PARD3B: variants seen among roughly 807,000 people sequenced by gnomAD.
The protein encoded by PARD3B is partitioning defective 3 homolog B.
In PARD3B, 103 loss-of-function variants were observed where a neutral mutation model predicts 130.2. That is an observed-to-expected ratio of 0.79 (90% CI 0.67 to 0.93). The LOEUF (loss-of-function observed/expected upper bound fraction) is 0.93. Among genes scored for constraint, PARD3B ranks in the 40% least tolerant of loss-of-function variants. PARD3B has a pLI of 0.00. For missense variants in PARD3B, 1,609 were observed against 1,499.2 expected (o/e 1.07, Z -1.21); for synonymous variants, 583 against 553.2 (o/e 1.05, Z -0.76).
intron 1 of PARD3B, among the ~76,000 whole-genome samples, chr2:204,661,898 G>A (rs2035823888): frequency 6.6e-6 from 1 of 152,084 alleles, no homozygotes; most frequent in Non-Finnish European, 1.5e-5. Context: ...GGTTTATGTA[G>A]AAACTGGGCC....
At chr2:204,932,294 C>G (rs1236220791) in intron 2 of PARD3B, among the ~76,000 whole-genome samples, 3 of 152,080 alleles carry the variant, frequency 2.0e-5, no homozygotes, top group Non-Finnish European at 4.4e-5. Flanking sequence ...TTAGTATTCT[C>G]TACTTCTGAT....
intron 3 of PARD3B, among the ~76,000 whole-genome samples, chr2:204,995,240 AGC>A (rs1350194916): frequency 6.6e-6 from 1 of 152,090 alleles, no homozygotes; most frequent in Non-Finnish European, 1.5e-5. Context: ...TTCCATGTTT[AGC>A]GCTTCCTTCA....
At chr2:204,897,282 T>G (rs1353538479) in intron 2 of PARD3B, among the ~76,000 whole-genome samples, 1 of 152,038 alleles carries the variant, frequency 6.6e-6, no homozygotes, top group African/African-American at 2.4e-5. Flanking sequence ...TTGCCCTGAA[T>G]CAATGTTTTA....
At chr2:205,317,214 C>T (rs553895326) in intron 18 of PARD3B, among the ~76,000 whole-genome samples, 90 of 152,262 alleles carry the variant, frequency 5.9e-4, no homozygotes, top group African/African-American at 2.2e-3. Flanking sequence ...AACCTTAATT[C>T]TGTAACTGCC....
intron 22 of PARD3B, among the ~76,000 whole-genome samples, chr2:205,559,971 C>T (rs1006762738): frequency 6.6e-6 from 1 of 152,132 alleles, no homozygotes; most frequent in African/African-American, 2.4e-5. Context: ...CTTTGCATCT[C>T]CTGACTGACA....
chr2:205,607,143 A>G (rs1237166217), intron 22 of PARD3B, among the ~76,000 whole-genome samples: 1 of 152,166 alleles, frequency 6.6e-6, no homozygotes, highest in Non-Finnish European at 1.5e-5. Flanking sequence ...AGGTCTCTGA[A>G]TGAAACTTCC....
rs1328788123 is a variant in PARD3B at position 205,271,740 on chromosome 2, T to G, written c.2185+25918T>G. 9.8e-5 allele frequency among the ~76,000 whole-genome samples: 15 copies of G among 152,350 alleles called. No individual in the cohort carries two copies. In the East Asian group the frequency reaches 2.9e-3, roughly 29 times the overall value. On this transcript the variant is annotated intron_variant, in intron 16 of 22. Transcript: ENST00000406610. ...TGGGAATCCAGGTTGGAAACCACTA[T>G]CCTCAACTTTCCACTGATGCTCCCA...
In PARD3B at chr2:205,021,954, A is replaced by G. The variant is rs1696644563; in HGVS notation, c.395-25627A>G. On this transcript the variant is annotated intron_variant, in intron 3 of 22. Coordinates refer to ENST00000406610, the MANE Select transcript of PARD3B (RefSeq NM_001302769.2). The surrounding 1 kb of genome is among the most constrained non-coding windows in gnomAD (Gnocchi z 4.5). ...GGAAAAGAAAATCCAAATACTCCAA[A>G]AAATCCAATGCAAAAACTCCAAAAT... Among the ~76,000 whole-genome samples the G allele has an allele frequency of 6.6e-6, 1 of 152,144 alleles. No individual in the cohort carries two copies. The highest frequency in any genetic ancestry group is 1.5e-5 in the Non-Finnish European group (1 of 68,022).
rs1465771307 is a variant in PARD3B, at chr2:205,575,105, ACACACACACG to A, written c.3260+21704_3260+21713del. On this transcript the variant is annotated intron_variant, in intron 22 of 22. Transcript: ENST00000406610. This position sits in a 1 kb window ranked among gnomAD's most constrained non-coding sequence, Gnocchi z 4.6. ...AATAGACACACACACACACACACAC[ACACACACACG>A]CGTACACTATATATAAAAATATATT... 7.3e-6 allele frequency among the ~76,000 whole-genome samples: 1 copy of A among 137,640 alleles called. No individual in the cohort carries two copies. The highest frequency in any genetic ancestry group is 2.2e-4 in the East Asian group (1 of 4,554). 90.3% of individuals were successfully genotyped at this position (137,640 alleles called of 152,430 possible). A position where few individuals can be genotyped will look rare whatever the true frequency, so the allele number is the denominator to read the frequency against.
rs1696607551 is a variant in PARD3B at position 205,021,611 on chromosome 2, T to TCTCTCTCTCC, written c.395-25961_395-25952dup. On this transcript the variant is annotated intron_variant, in intron 3 of 22. Transcript: ENST00000406610. This position sits in a 1 kb window ranked among gnomAD's most constrained non-coding sequence, Gnocchi z 4.5. ...CTCTTCTCTTCTCTCTCTCTCTCTCTCTCTCTCTCCCTCTCTCTTTCTCTC... is the reference window on the plus strand; with the variant it reads ...CTCTTCTCTTCTCTCTCTCTCTCTCTCTCTCTCTCCCTCTCTCTCCCTCTCTCTTTCTCTC... Among the ~76,000 whole-genome samples, 1 of 144,614 alleles carries TCTCTCTCTCC rather than the reference T, an allele frequency of 6.9e-6. No individual in the cohort carries two copies. Among genetic ancestry groups the TCTCTCTCTCC allele is most frequent in the Non-Finnish European group, 1.5e-5 (1 of 66,242 alleles). The allele number at this position is 144,614 out of a possible 152,430, so 94.9% of individuals were successfully genotyped here. A position where few individuals can be genotyped will look rare whatever the true frequency, so the allele number is the denominator to read the frequency against.
intron 1 of PARD3B, among the ~76,000 whole-genome samples, chr2:204,613,905 A>G (rs1451163382): frequency 6.6e-6 from 1 of 152,008 alleles, no homozygotes; most frequent in Non-Finnish European, 1.5e-5. Flanking sequence ...ATGGTACAGG[A>G]TTCCCACAAA....
chr2:205,021,049 A>T lies in PARD3B; in HGVS notation c.395-26532A>T, dbSNP rs1696558159. On this transcript the variant is annotated intron_variant, in intron 3 of 22. Transcript: ENST00000406610. The surrounding 1 kb of genome is among the most constrained non-coding windows in gnomAD (Gnocchi z 4.5). ...AGCATGTCAGCTGAAAAGATGGCAG[A>T]GTTCAGAGAAAGGTGATGGGAGATG... Among the ~76,000 whole-genome samples the T allele has an allele frequency of 6.6e-6, 1 of 152,154 alleles. No individual in the cohort carries two copies. The highest frequency in any genetic ancestry group is 2.4e-5 in the African/African-American group (1 of 41,448).
At chr2:204,568,246 G>C (rs893560990) in intron 1 of PARD3B, among the ~76,000 whole-genome samples, 44 of 152,168 alleles carry the variant, frequency 2.9e-4, no homozygotes, top group African/African-American at 1.0e-3. Context: ...TCCATAGGTG[G>C]ATAAATAATG....
At chr2:205,205,616 T>C (rs754554073) in intron 15 of PARD3B, among the ~76,000 whole-genome samples, 7 of 152,212 alleles carry the variant, frequency 4.6e-5, no homozygotes, top group Non-Finnish European at 1.0e-4. Flanking sequence ...TTGAGATACA[T>C]TCCATCAATA....
chr2:205,107,171 A>G (rs550655130), intron 5 of PARD3B, among the ~76,000 whole-genome samples: 10 of 152,220 alleles, frequency 6.6e-5, no homozygotes, highest in Admixed American at 2.0e-4. Flanking sequence ...CTACACCATT[A>G]TAATAACCTA....
chr2:205,184,767 T>TAC lies in PARD3B; in HGVS notation c.1925-983_1925-982dup, dbSNP rs925997161. ...AAAAATAATAATAATAATAAATATA[T>TAC]ACACACACACACACATATATATATA... On this transcript the variant is annotated intron_variant, in intron 13 of 22. Transcript: ENST00000406610. Among the ~76,000 whole-genome samples the TAC allele has an allele frequency of 5.2e-3, 787 of 150,156 alleles. 5 individuals are homozygous for TAC. Among genetic ancestry groups the TAC allele is most frequent in the African/African-American group, 0.016 (651 of 40,612 alleles).
At chr2:205,198,820 T>C (rs2036833506) in intron 15 of PARD3B, among the ~76,000 whole-genome samples, 1 of 151,926 alleles carries the variant, frequency 6.6e-6, no homozygotes, top group Non-Finnish European at 1.5e-5. Context: ...TTGTATATTC[T>C]AATAAGTGTG....
chr2:204,737,349 T>C (rs940305238), intron 2 of PARD3B, among the ~76,000 whole-genome samples: 41 of 152,334 alleles, frequency 2.7e-4, no homozygotes, highest in African/African-American at 8.7e-4. Flanking sequence ...GTTAGTGATG[T>C]TGAGCATTTT....
chr2:205,169,451 G>A (rs1195369356), intron 11 of PARD3B, among the ~76,000 whole-genome samples: 1 of 152,184 alleles, frequency 6.6e-6, no homozygotes, highest in East Asian at 1.9e-4. Flanking sequence ...CTTAGTAACT[G>A]TTGATAGATT....
Sources: gnomAD v4.1 joint callset for allele counts (sites outside exome capture counted in the v4.1 genomes callset) on GRCh38, gnomAD v4.1.1 for gene constraint, Gnocchi (gnomAD v3.1) non-coding constraint, MANE v1.5 for transcripts, NCBI Gene and HGNC (gene_info 2026-07-23, HGNC 2026-07-21) for gene names.